The following AGR3 variants were observed in gnomAD, a reference collection of about 807,000 sequenced individuals.
AGR3 encodes anterior gradient 3, protein disulphide isomerase family member.
A neutral mutation model predicts 24.5 loss-of-function variants in AGR3; 37 were observed. The ratio of observed to expected loss-of-function variants is 1.51; its 90% confidence interval spans 1.16 to 1.99. The LOEUF is 1.99. AGR3 is among the 30% of genes most tolerant of loss of function. AGR3 has a pLI of 0.00. For missense variants in AGR3, 228 were observed against 191.1 expected (o/e 1.19, Z -1.14); for synonymous variants, 75 against 61.6 (o/e 1.22, Z -1.02).
intron 3 of AGR3, chr7:16,864,512 C>T: frequency 1.6e-6 from 2 of 1,269,308 alleles, no homozygotes; most frequent in Non-Finnish European, 2.3e-6. Context: ...TCAGTCAGGG[C>T]TTCCATTTTC....
chr7:16,862,974 GA>G (rs779871830), intron 3 of AGR3, among the ~76,000 whole-genome samples: 1 of 152,208 alleles, frequency 6.6e-6, no homozygotes, highest in Non-Finnish European at 1.5e-5. Flanking sequence ...TGGAGGCTGA[GA>G]CATGAGAATC....
chr7:16,873,817 G>A lies in AGR3; in HGVS notation c.136C>T (p.Gln46Ter), dbSNP rs771909321. Reference sequence around the variant, plus strand: ...TAAAAGAGACCTTCTTCATAAGTTTGTACCCAAGTGATGTCATCTCCCCAT... The same window carrying A: ...TAAAAGAGACCTTCTTCATAAGTTTATACCCAAGTGATGTCATCTCCCCAT... ...RGWGDDITWVQTYEEGLFYAQ... is the reference protein window; with the variant it reads ...RGWGDDITWV The change falls in exon 3 of 8, where the codon CAA (glutamine) becomes TAA (stop). Residue 46 changes from glutamine (Q) to a stop codon, truncating the protein, a stop_gained. Coordinates refer to ENST00000310398, the MANE Select transcript of AGR3 (RefSeq NM_176813.5). LOFTEE classifies it high-confidence loss of function. 3 of 1,613,080 alleles carry A rather than the reference G, an allele frequency of 1.9e-6. No homozygotes were observed. Among genetic ancestry groups the A allele is most frequent in the Non-Finnish European group, 1.7e-6 (2 of 1,179,322 alleles).
chr7:16,875,254 C>T (rs1214429765), intron 2 of AGR3, among the ~76,000 whole-genome samples: 1 of 152,154 alleles, frequency 6.6e-6, no homozygotes, highest in Non-Finnish European at 1.5e-5. Context: ...CTATCACCTG[C>T]TCCCCATTTT....
At chr7:16,873,513 G>A (rs1410462593) in intron 3 of AGR3, 1 of 311,452 alleles carries the variant, frequency 3.2e-6, no homozygotes, top group Non-Finnish European at 6.0e-6. Context: ...GGAGGAATAA[G>A]TTTGAGTAGT....
At position 16,862,673 on chromosome 7, in the gene AGR3, A is replaced by G. The variant is rs201416147; in HGVS notation, c.174-11T>C. ...ATTAATGGCTTCTTACTAAACAAAG[A>G]AAGTATGGAATTAAGTCAAATGATT... On this transcript the variant is annotated splice_polypyrimidine_tract_variant and intron_variant, in intron 3 of 7. Coordinates refer to ENST00000310398, the MANE Select transcript of AGR3 (RefSeq NM_176813.5). 212 of 1,537,180 alleles carry G rather than the reference A, an allele frequency of 1.4e-4. No individual in the cohort carries two copies. The Middle Eastern group carries it at 6.0e-3, about 43-fold the overall frequency.
At chr7:16,867,502 A>AT (rs541768041) in intron 3 of AGR3, among the ~76,000 whole-genome samples, 1 of 152,164 alleles carries the variant, frequency 6.6e-6, no homozygotes, top group Admixed American at 6.6e-5. Flanking sequence ...TCACATACTT[A>AT]TTTTTTGTGG....
intron 1 of AGR3, among the ~76,000 whole-genome samples, chr7:16,879,179 G>C (rs189870584): frequency 6.6e-6 from 1 of 152,150 alleles, no homozygotes; most frequent in Admixed American, 6.5e-5. Flanking sequence ...TTCCTTTATA[G>C]TTTCTTACCT....
downstream of AGR3, among the ~76,000 whole-genome samples, chr7:16,856,976 GTT>G (rs34712776): frequency 5.5e-5 from 8 of 144,228 alleles, no homozygotes; most frequent in East Asian, 2.0e-4. Context: ...ATATAGAAAG[GTT>G]TTTTTTTTTT....
rs1781599758 is a variant in AGR3 at position 16,859,507 on chromosome 7, G to T, written c.*75C>A. On this transcript the variant is annotated 3_prime_UTR_variant, in exon 8 of 8. Coordinates refer to ENST00000310398, the MANE Select transcript of AGR3 (RefSeq NM_176813.5). The stretch of plus-strand genomic sequence containing the variant: ...CAAAATCTATATACTTGCACATTTA[G>T]TATTTGTCAATGTGCCAGAGGTTTT... 1 of 945,752 alleles carries T rather than the reference G, an allele frequency of 1.1e-6. No individual in the cohort carries two copies. Among genetic ancestry groups the T allele is most frequent in the Non-Finnish European group, 1.6e-6 (1 of 620,678 alleles). 58.6% of individuals were successfully genotyped at this position (945,752 alleles called of 1,614,324 possible). A position where few individuals can be genotyped will look rare whatever the true frequency, so the allele number is the denominator to read the frequency against.
At chr7:16,869,555 CT>C (rs1352360486) in intron 3 of AGR3, among the ~76,000 whole-genome samples, 1 of 151,998 alleles carries the variant, frequency 6.6e-6, no homozygotes, top group Non-Finnish European at 1.5e-5. Flanking sequence ...TGATGAAACC[CT>C]GTCTCTACCA....
At chr7:16,868,489 CT>C (rs1246778628) in intron 3 of AGR3, among the ~76,000 whole-genome samples, 2 of 152,012 alleles carry the variant, frequency 1.3e-5, no homozygotes, top group Non-Finnish European at 2.9e-5. Context: ...CTATTTAGGT[CT>C]TTTGTCCATT....
chr7:16,874,125 G>C (rs1295535905), intron 2 of AGR3, among the ~76,000 whole-genome samples: 1 of 152,202 alleles, frequency 6.6e-6, no homozygotes, highest in Non-Finnish European at 1.5e-5. Context: ...CTGATTGAAA[G>C]GACATCTTTG....
rs536998870 is a variant in AGR3, at chr7:16,860,931, C to T, written c.368-348G>A. On this transcript the variant is annotated intron_variant, in intron 6 of 7. Transcript: ENST00000310398. ...GGTTTTCTGTTTCTGTGTTCATTTG[C>T]TTAGGATAATGGCCTCTGGCTACAT... is the stretch of plus-strand genomic sequence containing the variant. Among the ~76,000 whole-genome samples the T allele has an allele frequency of 2.6e-5, 4 of 152,278 alleles. 1 individual carries two copies. The South Asian group carries it at 8.3e-4, about 32-fold the overall frequency.
At position 16,875,487 on chromosome 7, in the gene AGR3, ATATTT is replaced by A. The variant is rs369848193; in HGVS notation, c.110-1649_110-1645del. Among the ~76,000 whole-genome samples the A allele has an allele frequency of 2.1e-3, 318 of 152,234 alleles. 1 individual carries two copies. The highest frequency in any genetic ancestry group is 6.9e-3 in the African/African-American group (288 of 41,542). On this transcript the variant is annotated intron_variant, in intron 2 of 7. Coordinates refer to ENST00000310398, the MANE Select transcript of AGR3 (RefSeq NM_176813.5). ...TATTATTCCATTGTATGAATATACC[ATATTT>A]TATTTATCTGTTCATCAGTTAATGA...
In AGR3 at chr7:16,869,467, C is replaced by T. The variant is rs145350910; in HGVS notation, c.173+4313G>A. ...GTGAGGCCTGGCATGGTGGCTCATG[C>T]CTGTAATCCCAGCACTTTGGGAGGC... On this transcript the variant is annotated intron_variant, in intron 3 of 7. Coordinates refer to ENST00000310398, the MANE Select transcript of AGR3 (RefSeq NM_176813.5). 3.6e-4 allele frequency among the ~76,000 whole-genome samples: 55 copies of T among 152,192 alleles called. No homozygotes were observed. The East Asian group carries it at 0.011, about 29-fold the overall frequency.
Position 16,859,448 on chromosome 7 carries a change from G to T in AGR3, c.*134C>A. On this transcript the variant is annotated 3_prime_UTR_variant, in exon 8 of 8. Coordinates refer to ENST00000310398, the MANE Select transcript of AGR3 (RefSeq NM_176813.5). ...AAACATTTATTTTAATAAGACTATT[G>T]CAAACACATTAAAAAAACTAAATAG... The T allele has an allele frequency of 1.6e-6, 1 of 623,708 alleles. No homozygotes were observed. Among genetic ancestry groups the T allele is most frequent in the Non-Finnish European group, 2.8e-6 (1 of 360,160 alleles). The allele number at this position is 623,708 out of a possible 1,614,324, so 38.6% of individuals were successfully genotyped here.
intron 3 of AGR3, among the ~76,000 whole-genome samples, chr7:16,872,313 G>A (rs948303284): frequency 2.9e-4 from 44 of 152,126 alleles, no homozygotes; most frequent in African/African-American, 1.0e-3. Context: ...CGTATTTAAA[G>A]TCAGCTGATT....
chr7:16,860,108 A>C (rs931171726), intron 7 of AGR3, among the ~76,000 whole-genome samples: 2 of 151,432 alleles, frequency 1.3e-5, no homozygotes, highest in Non-Finnish European at 2.9e-5. Context: ...AGAAAAAAAA[A>C]GGATTAAAGT....
At chr7:16,863,789 G>A (rs1781695059) in intron 3 of AGR3, among the ~76,000 whole-genome samples, 1 of 151,550 alleles carries the variant, frequency 6.6e-6, no homozygotes. Flanking sequence ...TATTTAAATT[G>A]TTTCCAATCT....
Sources: gnomAD v4.1 joint callset for allele counts (sites outside exome capture counted in the v4.1 genomes callset) on GRCh38, gnomAD v4.1.1 for gene constraint, MANE v1.5 for transcripts, NCBI Gene and HGNC (gene_info 2026-07-23, HGNC 2026-07-21) for gene names.